SAMD8: variants seen among roughly 807,000 people sequenced by gnomAD.
The protein encoded by SAMD8 is sphingomyelin synthase-related protein 1.
Under a neutral mutation model 42.0 loss-of-function variants are expected in SAMD8, and 20 were observed. That is an observed-to-expected ratio of 0.48 (90% CI 0.34 to 0.69). The LOEUF (loss-of-function observed/expected upper bound fraction) is 0.69. SAMD8 is among the 30% of genes least tolerant of loss of function. The pLI, the probability that SAMD8 is intolerant of heterozygous loss-of-function variation, is 0.01. For missense variants in SAMD8, 328 were observed against 511.6 expected, an observed-to-expected ratio of 0.64 and a Z score of 3.46; for synonymous variants, 162 against 173.0, an observed-to-expected ratio of 0.94 and a Z score of 0.50.
intron 1 of SAMD8, among the ~76,000 whole-genome samples, chr10:75,115,370 A>G (rs951349292): frequency 1.3e-5 from 2 of 152,194 alleles, no homozygotes; most frequent in African/African-American, 4.8e-5. Flanking sequence ...TGGCCTTGAG[A>G]AATCAAGATG....
At chr10:75,139,335 TAA>T (rs1432207815) in intron 1 of SAMD8, among the ~76,000 whole-genome samples, 1 of 152,300 alleles carries the variant, frequency 6.6e-6, no homozygotes, top group East Asian at 1.9e-4. Context: ...AATGGTGTAA[TAA>T]GAGTTAGTAT....
intron 1 of SAMD8, among the ~76,000 whole-genome samples, chr10:75,138,132 C>T (rs967256975): frequency 5.3e-5 from 8 of 152,070 alleles, no homozygotes; most frequent in African/African-American, 1.9e-4. Flanking sequence ...GTTGGCTGAA[C>T]CTGATTCACA....
At chr10:75,106,696 A>G (rs73277273), upstream of SAMD8, among the ~76,000 whole-genome samples, 787 of 152,360 alleles carry the variant, frequency 5.2e-3, 5 homozygotes, top group African/African-American at 0.018. Flanking sequence ...TCTTTCCACC[A>G]GTTCCAAGAG....
At chr10:75,141,840 C>G (rs940917858) in intron 1 of SAMD8, among the ~76,000 whole-genome samples, 3 of 151,992 alleles carry the variant, frequency 2.0e-5, no homozygotes, top group African/African-American at 4.8e-5. Flanking sequence ...CACGCCTGGC[C>G]TGCCTTTTGC....
intron 1 of SAMD8, among the ~76,000 whole-genome samples, chr10:75,150,096 A>G (rs1427618846): frequency 1.4e-5 from 2 of 142,150 alleles, no homozygotes; most frequent in East Asian, 4.1e-4. Context: ...CTCTCTCTAC[A>G]TATATATATA....
Position 75,181,997 on chromosome 10 carries a change from A to C in SAMD8, c.*5305A>C, listed in dbSNP as rs150679932. 6.6e-6 allele frequency: 1 copy of C among 152,230 alleles called. No individual in the cohort carries two copies. Among genetic ancestry groups the C allele is most frequent in the Non-Finnish European group, 1.5e-5 (1 of 68,048 alleles). The allele number at this position is 152,230 out of a possible 1,614,324, so 9.4% of individuals were successfully genotyped here. ...CTGTGGTAGCCATACCTTGAAGCAC[A>C]GTGTTTGTACATAAGTAAATATCTT... On this transcript the variant is annotated 3_prime_UTR_variant, in exon 6 of 6. Transcript: ENST00000542569.
chr10:75,101,178 C>A (rs1321887536), intron 1 of SAMD8, among the ~76,000 whole-genome samples: 3 of 152,138 alleles, frequency 2.0e-5, no homozygotes, highest in Non-Finnish European at 4.4e-5. Flanking sequence ...TTGGGGAGGG[C>A]AGACCTGGGT....
At chr10:75,147,626 T>C (rs527632778) in intron 1 of SAMD8, among the ~76,000 whole-genome samples, 66 of 152,334 alleles carry the variant, frequency 4.3e-4, no homozygotes, top group Middle Eastern at 6.8e-3. Flanking sequence ...CCCGGCTGGC[T>C]TTGTTTTATG....
upstream of SAMD8, chr10:75,108,892 G>C: frequency 2.2e-6 from 3 of 1,353,086 alleles, no homozygotes; most frequent in South Asian, 1.5e-5. Flanking sequence ...TCCCTGGCCT[G>C]GGATGGTCAG....
intron 1 of SAMD8, among the ~76,000 whole-genome samples, chr10:75,135,927 T>A (rs1839877639): frequency 6.6e-6 from 1 of 152,186 alleles, no homozygotes; most frequent in African/African-American, 2.4e-5. Context: ...AATAAATGTT[T>A]ATTGAGAACC....
intron 1 of SAMD8, among the ~76,000 whole-genome samples, chr10:75,123,437 A>G (rs1849053690): frequency 6.6e-6 from 1 of 152,138 alleles, no homozygotes; most frequent in South Asian, 2.1e-4. Context: ...GAGACTTGTT[A>G]CTGCTAGACA....
At chr10:75,108,942 G>T, upstream of SAMD8, 1 of 1,534,162 alleles carries the variant, frequency 6.5e-7, no homozygotes. Flanking sequence ...TCCTGTGTCT[G>T]GTAAAGCGAC....
At chr10:75,140,669 G>A (rs1296184804) in intron 1 of SAMD8, among the ~76,000 whole-genome samples, 1 of 152,182 alleles carries the variant, frequency 6.6e-6, no homozygotes, top group Non-Finnish European at 1.5e-5. Flanking sequence ...TAAAGAATTC[G>A]AGTGGTCGGT....
chr10:75,131,919 A>T (rs1849282415), intron 1 of SAMD8, among the ~76,000 whole-genome samples: 1 of 152,190 alleles, frequency 6.6e-6, no homozygotes, highest in Non-Finnish European at 1.5e-5. Flanking sequence ...TGCAGATATA[A>T]AATTTCTGTC....
intron 4 of SAMD8, among the ~76,000 whole-genome samples, chr10:75,169,923 C>G (rs1840808045): frequency 6.6e-6 from 1 of 152,134 alleles, no homozygotes; most frequent in African/African-American, 2.4e-5. Flanking sequence ...ACAAAACAAA[C>G]AAACAAACAA....
intron 1 of SAMD8, among the ~76,000 whole-genome samples, chr10:75,134,214 G>A (rs1350624004): frequency 1.3e-5 from 2 of 152,160 alleles, no homozygotes; most frequent in Non-Finnish European, 2.9e-5. Context: ...AGAACATCAG[G>A]ATAAATAGCT....
intron 1 of SAMD8, among the ~76,000 whole-genome samples, chr10:75,122,904 C>T (rs113575498): frequency 6.4e-4 from 97 of 152,092 alleles, no homozygotes; most frequent in African/African-American, 2.1e-3. Context: ...TGGTGAGTTA[C>T]GTTGTTTGAT....
chr10:75,107,807 C>T (rs1327002997), upstream of SAMD8, among the ~76,000 whole-genome samples: 1 of 152,146 alleles, frequency 6.6e-6, no homozygotes, highest in Non-Finnish European at 1.5e-5. Flanking sequence ...GAACTCCTGA[C>T]CTCAGGCGAT....
At position 75,123,230 on chromosome 10, in the gene SAMD8, G is replaced by A. The variant is rs150593737; in HGVS notation, c.-16+11508G>A. Among the ~76,000 whole-genome samples the A allele has an allele frequency of 3.6e-3, 526 of 145,202 alleles. 1 individual carries two copies. The highest frequency in any genetic ancestry group is 0.011 in the African/African-American group (413 of 38,206). On this transcript the variant is annotated intron_variant, in intron 1 of 5. Coordinates refer to ENST00000542569, the MANE Select transcript of SAMD8 (RefSeq NM_001174156.2). ...CCCCACCCTGTGCAGGGGGTTGGGC[G>A]GGTAAAGGAGATGAGGGTTGTGGGT...
Sources: gnomAD v4.1 joint callset for allele counts (sites outside exome capture counted in the v4.1 genomes callset) on GRCh38, gnomAD v4.1.1 for gene constraint, MANE v1.5 for transcripts, NCBI Gene and HGNC (gene_info 2026-07-23, HGNC 2026-07-21) for gene names.